Variants in PIWIL1 observed in about 807,000 individuals in gnomAD.
PIWIL1 encodes the protein piwi like RNA-mediated gene silencing 1, also known as piwi-like protein 1.
A neutral mutation model predicts 114.4 loss-of-function variants in PIWIL1; 73 were observed. That is an observed-to-expected ratio of 0.64 (90% CI 0.53 to 0.78). The LOEUF (loss-of-function observed/expected upper bound fraction) is 0.78, where lower values mean the gene tolerates loss of function less well. PIWIL1 is among the 30% of genes least tolerant of loss of function. The pLI is 0.00. For missense variants in PIWIL1, 723 were observed against 1,063.1 expected (o/e 0.68, Z 4.45); for synonymous variants, 375 against 369.0 (o/e 1.02, Z -0.19).
rs551690724 is a variant in PIWIL1, at chr12:130,365,737, G to A, written c.2196-1396G>A. On this transcript the variant is annotated intron_variant, in intron 18 of 20. Transcript: ENST00000245255. Reference sequence around the variant, plus strand: ...AACTTTATCCACCTTATGTCCTTCCGTTCCTAAGACTGATACTTGTTTTAG... The same window carrying A: ...AACTTTATCCACCTTATGTCCTTCCATTCCTAAGACTGATACTTGTTTTAG... 5.3e-5 allele frequency among the ~76,000 whole-genome samples: 8 copies of A among 152,192 alleles called. No homozygotes were observed. The South Asian group carries it at 6.2e-4, about 12-fold the overall frequency.
chr12:130,373,771 T>G (rs1475215534), downstream of PIWIL1, among the ~76,000 whole-genome samples: 1 of 152,068 alleles, frequency 6.6e-6, no homozygotes, highest in Admixed American at 6.5e-5. Context: ...TCTGCTGTGG[T>G]TTTCATCAGA....
At chr12:130,395,893 G>A in the PIWIL1 span, among the ~76,000 whole-genome samples, 24 of 152,180 alleles carry the variant, frequency 1.6e-4, no homozygotes, top group African/African-American at 5.1e-4. Flanking sequence ...ATTCATCCTG[G>A]TAGTGCTTAT....
chr12:130,406,893 C>T, the PIWIL1 span, among the ~76,000 whole-genome samples: 1 of 126,658 alleles, frequency 7.9e-6, no homozygotes, highest in Non-Finnish European at 1.9e-5. Flanking sequence ...GCAGTCTGCC[C>T]ACCTCCCAAA....
the PIWIL1 span, chr12:130,407,692 G>A: frequency 6.6e-7 from 1 of 1,519,556 alleles, no homozygotes; most frequent in South Asian, 1.1e-5. Flanking sequence ...GGGTGTGGTT[G>A]TGTCCGTCAT....
At chr12:130,424,262 C>T in the PIWIL1 span, 1 of 1,231,814 alleles carries the variant, frequency 8.1e-7, no homozygotes, top group Non-Finnish European at 1.0e-6. This position sits in a 1 kb window ranked among gnomAD's most constrained non-coding sequence, Gnocchi z 9.8. Flanking sequence ...TGGGCTCGCC[C>T]CAGCCGTGCT....
intron 1 of PIWIL1, among the ~76,000 whole-genome samples, chr12:130,338,853 G>A (rs896677175): frequency 7.0e-6 from 1 of 143,216 alleles, no homozygotes; most frequent in African/African-American, 2.6e-5. Flanking sequence ...GTAGGGCCGG[G>A]GTGCGGGGGT....
the PIWIL1 span, among the ~76,000 whole-genome samples, chr12:130,401,042 C>T: frequency 6.6e-6 from 1 of 152,182 alleles, no homozygotes; most frequent in Non-Finnish European, 1.5e-5. Flanking sequence ...GTTCTGTAGA[C>T]GGATGGTGGT....
At chr12:130,378,108 A>C in the PIWIL1 span, among the ~76,000 whole-genome samples, 2 of 152,148 alleles carry the variant, frequency 1.3e-5, no homozygotes, top group African/African-American at 2.4e-5. Context: ...GCCACCATCA[A>C]GTTTTAGAGA....
the PIWIL1 span, among the ~76,000 whole-genome samples, chr12:130,417,308 G>A: frequency 1.3e-5 from 2 of 152,172 alleles, no homozygotes; most frequent in African/African-American, 4.8e-5. Flanking sequence ...TCGCAGCACT[G>A]TTCACAATAG....
the PIWIL1 span, chr12:130,421,149 A>G: frequency 2.4e-4 from 37 of 151,052 alleles, no homozygotes; most frequent in East Asian, 6.9e-3. Flanking sequence ...GAACCGATTT[A>G]TTAAGCTCCA....
downstream of PIWIL1, among the ~76,000 whole-genome samples, chr12:130,374,509 C>T (rs1458180587): frequency 3.3e-5 from 5 of 152,166 alleles, no homozygotes; most frequent in Non-Finnish European, 5.9e-5. Context: ...AGTCCCTGCA[C>T]TTGGAGTAAG....
At chr12:130,415,075 C>T in the PIWIL1 span, among the ~76,000 whole-genome samples, 391 of 152,282 alleles carry the variant, frequency 2.6e-3, 12 homozygotes, top group East Asian at 0.069. Flanking sequence ...CACCCTGATA[C>T]CCAAATCTGA....
intron 16 of PIWIL1, 107 bp from the exon 17 acceptor site, chr12:130,362,657 GTT>G: frequency 1.1e-6 from 1 of 922,058 alleles, no homozygotes; most frequent in Non-Finnish European, 1.7e-6. Context: ...CTTTAAGGCA[GTT>G]ACAAAGATGA....
chr12:130,424,305 G>A, the PIWIL1 span: 1 of 1,231,546 alleles, frequency 8.1e-7, no homozygotes, highest in Non-Finnish European at 1.0e-6. This position sits in a 1 kb window ranked among gnomAD's most constrained non-coding sequence, Gnocchi z 9.8. Flanking sequence ...GCCGGGCTGG[G>A]GGTCGTCGTT....
intron 19 of PIWIL1, among the ~76,000 whole-genome samples, chr12:130,367,893 G>T (rs755327138): frequency 3.2e-4 from 48 of 152,274 alleles, no homozygotes; most frequent in South Asian, 1.7e-3. Flanking sequence ...TGCCTCCTGC[G>T]TTCAAGGAAT....
downstream of PIWIL1, among the ~76,000 whole-genome samples, chr12:130,375,610 C>G (rs2073861195): frequency 6.6e-6 from 1 of 152,188 alleles, no homozygotes. Flanking sequence ...GTTTTGGAAT[C>G]TCGTCTCTCC....
At chr12:130,388,127 T>G in the PIWIL1 span, among the ~76,000 whole-genome samples, 1 of 152,174 alleles carries the variant, frequency 6.6e-6, no homozygotes, top group Non-Finnish European at 1.5e-5. Flanking sequence ...TTCATTTTGG[T>G]TTTTCTTTTT....
downstream of PIWIL1, among the ~76,000 whole-genome samples, chr12:130,377,380 T>C (rs2073875273): frequency 6.6e-6 from 1 of 152,122 alleles, no homozygotes. Context: ...CACATGGCGG[T>C]CACCAGGGAG....
chr12:130,402,365 T>A, the PIWIL1 span, among the ~76,000 whole-genome samples: 1 of 152,130 alleles, frequency 6.6e-6, no homozygotes, highest in African/African-American at 2.4e-5. Context: ...GACGACATTC[T>A]CTGTCCCTCT....
Sources: allele counts gnomAD v4.1 joint callset (sites outside exome capture counted in the v4.1 genomes callset), GRCh38; gene constraint gnomAD v4.1.1; non-coding constraint Gnocchi (gnomAD v3.1); transcripts MANE v1.5; gene names NCBI Gene and HGNC (gene_info 2026-07-23, HGNC 2026-07-21).